The following KIF19 variants were observed in gnomAD, a reference collection of about 807,000 sequenced individuals.
KIF19 encodes the protein kinesin family member 19.
A neutral mutation model predicts 106.6 loss-of-function variants in KIF19; 98 were observed. That is an observed-to-expected ratio of 0.92 (90% CI 0.78 to 1.09). KIF19 has a LOEUF of 1.09. Among genes scored for constraint, KIF19 ranks in the 50% least tolerant of loss-of-function variants. The pLI is 0.00. For missense variants in KIF19, 1,373 were observed against 1,414.3 expected (o/e 0.97, Z 0.47); for synonymous variants, 516 against 584.2 (o/e 0.88, Z 1.68).
In KIF19 at chr17:74,350,386, C is replaced by T. The variant is rs762174134; in HGVS notation, c.1214-15C>T. On this transcript the variant is annotated splice_polypyrimidine_tract_variant and intron_variant, in intron 10 of 19. Coordinates refer to ENST00000389916, the MANE Select transcript of KIF19 (RefSeq NM_153209.4). ...TGCCGCCTCCTCTACCTTGCCCACC[C>T]TCACCCATCGGCAGCTGAGGTCCAG... 6.3e-7 allele frequency: 1 copy of T among 1,574,932 alleles called. No homozygotes were observed.
chr17:74,349,045 T>A (rs2054612270), intron 9 of KIF19, 139 bp from the exon 10 acceptor site: 1 of 762,452 alleles, frequency 1.3e-6, no homozygotes, highest in Non-Finnish European at 2.2e-6. Context: ...CAGGAGGTTG[T>A]GGAAGTGGAG....
At chr17:74,344,713 A>G (rs1327386247) in intron 6 of KIF19, 48 bp from the exon 7 acceptor site, 2 of 1,561,546 alleles carry the variant, frequency 1.3e-6, no homozygotes, top group African/African-American at 2.7e-5. Context: ...TCTCTGCCGG[A>G]GCACCTACGG....
intron 2 of KIF19, among the ~76,000 whole-genome samples, chr17:74,341,420 T>C (rs556002513): frequency 8.5e-5 from 13 of 152,294 alleles, no homozygotes; most frequent in African/African-American, 2.6e-4. Context: ...CTGTTGCACC[T>C]CTCTGGCAGA....
chr17:74,328,782 C>G (rs1227839823), intron 2 of KIF19: 2 of 336,364 alleles, frequency 5.9e-6, no homozygotes, highest in African/African-American at 4.3e-5. Context: ...ACTTTCCCAC[C>G]CTAATATGCC....
chr17:74,346,329 AGTCCCCTGCCTCATCAG>A lies in KIF19; in HGVS notation c.778-47_778-31del. On this transcript the variant is annotated intron_variant, in intron 7 of 19. Coordinates refer to ENST00000389916, the MANE Select transcript of KIF19 (RefSeq NM_153209.4). The surrounding 1 kb of genome is among the most constrained non-coding windows in gnomAD (Gnocchi z 4.6). ...TGGTGGGGTGGCTGGGGAGAAACCC[AGTCCCCTGCCTCATCAG>A]GCCACACGTGTGCCCTTTGCTCGCC... The A allele has an allele frequency of 6.5e-7, 1 of 1,532,668 alleles. No homozygotes were observed. Among genetic ancestry groups the A allele is most frequent in the Non-Finnish European group, 8.8e-7 (1 of 1,133,446 alleles). The allele number at this position is 1,532,668 out of a possible 1,614,324, so 94.9% of individuals were successfully genotyped here.
rs750176002 is a variant in KIF19 at position 74,354,965 on chromosome 17, G to T, written c.2866+24G>T. On this transcript the variant is annotated intron_variant, in intron 19 of 19. Transcript: ENST00000389916. The stretch of plus-strand genomic sequence containing the variant: ...GGGTCAGTATGGGCAAGGAGGGGAT[G>T]GGGAGGGGAGGCCTCCACCAGGCAG... The T allele has an allele frequency of 5.1e-6, 8 of 1,573,186 alleles. No individual in the cohort carries two copies. The South Asian group carries it at 9.2e-5, about 18-fold the overall frequency.
intron 1 of KIF19, among the ~76,000 whole-genome samples, chr17:74,326,983 G>A (rs1009481569): frequency 1.3e-5 from 2 of 152,202 alleles, no homozygotes; most frequent in African/African-American, 4.8e-5. Context: ...CAGATGGGGA[G>A]GTGAGAGTGG....
intron 9 of KIF19, 134 bp downstream of exon 9, chr17:74,348,033 G>A (rs539243096): frequency 7.9e-5 from 87 of 1,107,022 alleles, no homozygotes; most frequent in South Asian, 5.3e-4. Context: ...CTAGTTGATC[G>A]TCACCTGTAC....
intron 15 of KIF19, 61 bp from the exon 16 acceptor site, chr17:74,353,135 G>C (rs1431078099): frequency 6.8e-7 from 1 of 1,463,174 alleles, no homozygotes; most frequent in East Asian, 2.4e-5. Context: ...CCTGGGGTGG[G>C]GGTGGGACCT....
chr17:74,343,141 T>A lies in KIF19; in HGVS notation c.437T>A (p.Val146Asp). The change falls in exon 5 of 20, where the codon GTC becomes GAC. Residue 146 changes from valine (V) to aspartate (D), a missense_variant. Physicochemically the swap from Val to Asp is radical, Grantham distance 152 (BLOSUM62 -3). Coordinates refer to ENST00000389916, the MANE Select transcript of KIF19 (RefSeq NM_153209.4). ...EETSNDMEYE[V>D]SMSYLEIYNE... ...ACCAGCAATGACATGGAGTATGAGG[T>A]CTCCATGTCCTACCTGGAGGTGAGT... 1 of 1,612,694 alleles carries A rather than the reference T, an allele frequency of 6.2e-7. No individual in the cohort carries two copies. Among genetic ancestry groups the A allele is most frequent in the Non-Finnish European group, 8.5e-7 (1 of 1,179,714 alleles).
chr17:74,326,431 C>T (rs1463348165), intron 1 of KIF19, 43 bp downstream of exon 1: 15 of 1,592,808 alleles, frequency 9.4e-6, no homozygotes, highest in Non-Finnish European at 1.3e-5. Context: ...GCTCCGTGGT[C>T]TACTTCAGTC....
At position 74,351,913 on chromosome 17, in the gene KIF19, G is replaced by A. The variant is rs543525572; in HGVS notation, c.1634G>A (p.Arg545His). Residue 545 changes from arginine (R) to histidine (H), a missense_variant, in exon 13 of 20, where the codon CGC (arginine) becomes CAC (histidine). Physicochemically the swap from Arg to His is conservative, Grantham distance 29 (BLOSUM62 0). Coordinates refer to ENST00000389916, the MANE Select transcript of KIF19 (RefSeq NM_153209.4). The part of the protein sequence containing the change: ...RCRELRARGR[R>H]LEETLPRRIG... Reference sequence around the variant, plus strand: ...CGGGAGCTGCGCGCGCGGGGCCGGCGCCTGGAGGAGACGCTGCCGCGGCGC... The same window carrying A: ...CGGGAGCTGCGCGCGCGGGGCCGGCACCTGGAGGAGACGCTGCCGCGGCGC... The A allele has an allele frequency of 2.4e-5, 34 of 1,433,482 alleles. No individual in the cohort carries two copies. The African/African-American group carries it at 4.6e-4, about 20-fold the overall frequency. 88.8% of individuals were successfully genotyped at this position (1,433,482 alleles called of 1,614,324 possible).
At position 74,354,305 on chromosome 17, in the gene KIF19, G is replaced by A; in HGVS notation, c.2452G>A (p.Gly818Ser). 6.2e-7 allele frequency: 1 copy of A among 1,608,506 alleles called. No homozygotes were observed. The part of the protein sequence containing the change: ...SSLSLHSLSE[G>S]DDARPPGPLA... ...CCTGTCCCTGCACTCACTGAGCGAGGGCGACGATGCGCGGCCACCAGGCCC... is the reference window on the plus strand; with the variant it reads ...CCTGTCCCTGCACTCACTGAGCGAGAGCGACGATGCGCGGCCACCAGGCCC... The change falls in exon 18 of 20, where the codon GGC (glycine) becomes AGC (serine). Residue 818 changes from glycine (G) to serine (S), a missense_variant. Gly to Ser is a moderately conservative substitution (Grantham distance 56). Coordinates refer to ENST00000389916, the MANE Select transcript of KIF19 (RefSeq NM_153209.4).
intron 2 of KIF19, among the ~76,000 whole-genome samples, chr17:74,333,748 C>A (rs1272562663): frequency 6.6e-6 from 1 of 152,096 alleles, no homozygotes; most frequent in Non-Finnish European, 1.5e-5. Flanking sequence ...TTACACTCAG[C>A]ATCTGGATGG....
At chr17:74,349,064 G>A (rs1422031846) in intron 9 of KIF19, 120 bp from the exon 10 acceptor site, 12 of 926,856 alleles carry the variant, frequency 1.3e-5, no homozygotes, top group Middle Eastern at 2.2e-4. Flanking sequence ...AGGAAAGGAG[G>A]CCATTACTGT....
At position 74,350,706 on chromosome 17, in the gene KIF19, GC is replaced by G. The variant is rs1397755789; in HGVS notation, c.1389del (p.Trp464GlyfsTer211). Reference sequence around the variant, plus strand: ...TGTCTCTCTGGGTGGGGCTGCGGCAGCTGGAAGCATGAGAAGTCCCGCCGGG... The same window carrying G: ...TGTCTCTCTGGGTGGGGCTGCGGCAGTGGAAGCATGAGAAGTCCCGCCGGG... ...DTSRHLLTIAGWKHEKSRRAL... is the reference protein window; with the variant it reads ...DTSRHLLTIAXWKHEKSRRAL... On this transcript the variant is annotated frameshift_variant and splice_region_variant, in exon 12 of 20. Coordinates refer to ENST00000389916, the MANE Select transcript of KIF19 (RefSeq NM_153209.4). LOFTEE classifies it high-confidence loss of function. The G allele has an allele frequency of 5.6e-6, 9 of 1,613,558 alleles. No individual in the cohort carries two copies. The highest frequency in any genetic ancestry group is 7.6e-6 in the Non-Finnish European group (9 of 1,179,888).
chr17:74,328,516 C>T lies in KIF19; in HGVS notation c.120+11C>T. 2 of 1,596,686 alleles carry T rather than the reference C, an allele frequency of 1.3e-6. No individual in the cohort carries two copies. The highest frequency in any genetic ancestry group is 1.1e-5 in the South Asian group (1 of 88,034). On this transcript the variant is annotated intron_variant, in intron 2 of 19. Transcript: ENST00000389916. ...AAAGTGGATGAGCAGGTATGCAGGG[C>T]TCTGCAGCAGGAGCTGCAGGGCAGA...
In KIF19 at chr17:74,347,873, G is replaced by C. The variant is rs762686580; in HGVS notation, c.1021G>C (p.Gly341Arg). 1 of 1,583,962 alleles carries C rather than the reference G, an allele frequency of 6.3e-7. No homozygotes were observed. Among genetic ancestry groups the C allele is most frequent in the South Asian group, 1.2e-5 (1 of 86,480 alleles). ...GTCCCGGAACACCCTGACCTACGCC[G>C]GCCGGGCCAAGAACATTAAGACTAG... ...EESRNTLTYA[G>R]RAKNIKTRVK... Residue 341 changes from glycine (G) to arginine (R), a missense_variant, in exon 9 of 20, where the codon GGC (glycine) becomes CGC (arginine). Gly to Arg is a moderately radical substitution (Grantham distance 125). Transcript: ENST00000389916.
At chr17:74,340,012 G>A (rs539888173) in intron 2 of KIF19, among the ~76,000 whole-genome samples, 2 of 152,196 alleles carry the variant, frequency 1.3e-5, no homozygotes, top group Non-Finnish European at 2.9e-5. Context: ...GTTGAACAAA[G>A]ACTGTTGAGC....
Sources: gnomAD v4.1 joint callset for allele counts (sites outside exome capture counted in the v4.1 genomes callset) on GRCh38, gnomAD v4.1.1 for gene constraint, Gnocchi (gnomAD v3.1) non-coding constraint, MANE v1.5 for transcripts, NCBI Gene and HGNC (gene_info 2026-07-23, HGNC 2026-07-21) for gene names.